Variants in LRRC3B observed in about 807,000 individuals in gnomAD.
LRRC3B encodes the protein leucine-rich repeat-containing protein 3B.
LRRC3B carries 2 observed loss-of-function variants against 12.8 expected under a neutral mutation model. That is an observed-to-expected ratio of 0.16 (90% confidence interval 0.06 to 0.49). LRRC3B has a LOEUF of 0.49. LRRC3B is among the 20% of genes least tolerant of loss of function. The pLI is 0.96. For synonymous variants in LRRC3B, 132 were observed against 122.0 expected, an observed-to-expected ratio of 1.08 and a Z score of -0.54; for missense variants, 189 against 319.4, an observed-to-expected ratio of 0.59 and a Z score of 3.11.
chr3:26,648,313 C>T (rs1407366438), intron 1 of LRRC3B, among the ~76,000 whole-genome samples: 2 of 152,056 alleles, frequency 1.3e-5, no homozygotes, highest in African/African-American at 4.8e-5. Context: ...CTAAATCAGA[C>T]AGCGATTGGC....
intron 1 of LRRC3B, among the ~76,000 whole-genome samples, chr3:26,680,527 G>C (rs1699949725): frequency 6.6e-6 from 1 of 152,144 alleles, no homozygotes; most frequent in Admixed American, 6.5e-5. Context: ...TTGTGGGTAG[G>C]GTAGCCCAGA....
At chr3:26,625,564 C>T (rs186434962) in intron 1 of LRRC3B, 3 of 152,186 alleles carry the variant, frequency 2.0e-5, no homozygotes, top group African/African-American at 4.8e-5. Flanking sequence ...TCTGACCCCC[C>T]CAAGGCTCAT....
intron 1 of LRRC3B, among the ~76,000 whole-genome samples, chr3:26,658,519 A>G (rs1182059458): frequency 6.6e-6 from 1 of 152,208 alleles, no homozygotes; most frequent in Non-Finnish European, 1.5e-5. Flanking sequence ...GGCATTTCTA[A>G]CAAGTTTTCC....
At chr3:26,637,249 A>G (rs1559350623) in intron 1 of LRRC3B, among the ~76,000 whole-genome samples, 1 of 151,988 alleles carries the variant, frequency 6.6e-6, no homozygotes, top group African/African-American at 2.4e-5. Context: ...GAGTGAGGGA[A>G]ATGGCATCAG....
chr3:26,655,191 T>C (rs1356731714), intron 1 of LRRC3B, among the ~76,000 whole-genome samples: 2 of 152,190 alleles, frequency 1.3e-5, no homozygotes, highest in East Asian at 3.9e-4. Context: ...TCTTCTTAGA[T>C]ACTCTACTGC....
chr3:26,631,082 G>T (rs1698747548), intron 1 of LRRC3B, among the ~76,000 whole-genome samples: 1 of 152,158 alleles, frequency 6.6e-6, no homozygotes, highest in South Asian at 2.1e-4. Context: ...TTGGAAAGTA[G>T]AGAAGACCTT....
At chr3:26,634,857 C>T (rs902116521) in intron 1 of LRRC3B, among the ~76,000 whole-genome samples, 2 of 152,130 alleles carry the variant, frequency 1.3e-5, no homozygotes, top group Non-Finnish European at 2.9e-5. Flanking sequence ...CAGCTTGCTT[C>T]ATTGGGCCTG....
chr3:26,673,143 G>C (rs1202036519), intron 1 of LRRC3B, among the ~76,000 whole-genome samples: 1 of 152,096 alleles, frequency 6.6e-6, no homozygotes, highest in Admixed American at 6.6e-5. Context: ...ATTGTTTTCT[G>C]CATAAATATA....
intron 1 of LRRC3B, among the ~76,000 whole-genome samples, chr3:26,698,069 G>T (rs1159834608): frequency 3.3e-5 from 5 of 152,160 alleles, no homozygotes; most frequent in Non-Finnish European, 7.4e-5. Flanking sequence ...GTGTAAGATG[G>T]TGAAGGCTCC....
intron 1 of LRRC3B, among the ~76,000 whole-genome samples, chr3:26,680,138 T>C (rs573705934): frequency 1.3e-5 from 2 of 152,238 alleles, no homozygotes. Context: ...CTCTCCCAGG[T>C]GATGCAGATG....
intron 1 of LRRC3B, among the ~76,000 whole-genome samples, chr3:26,701,772 T>G (rs1051615344): frequency 6.6e-6 from 1 of 152,094 alleles, no homozygotes; most frequent in Non-Finnish European, 1.5e-5. Context: ...ACATGATAGG[T>G]ACCTCTTGAC....
Position 26,668,652 on chromosome 3 carries a change from C to CT in LRRC3B, c.-160-40855dup, listed in dbSNP as rs371822331. On this transcript the variant is annotated intron_variant, in intron 1 of 1. Transcript: ENST00000396641. ...TGGCAGCATTGAGACCTTTTGTTAA[C>CT]TTTTTTGCTTTGCTTTTTTGTTGTT... Among the ~76,000 whole-genome samples the CT allele has an allele frequency of 4.7e-3, 715 of 152,216 alleles. 7 individuals carry two copies. Among genetic ancestry groups the CT allele is most frequent in the African/African-American group, 0.016 (684 of 41,540 alleles).
At chr3:26,682,143 G>T (rs923236165) in intron 1 of LRRC3B, among the ~76,000 whole-genome samples, 6 of 152,042 alleles carry the variant, frequency 3.9e-5, no homozygotes, top group Non-Finnish European at 8.8e-5. Flanking sequence ...GTTGACCAGG[G>T]GTAACCGAAA....
chr3:26,687,498 G>A (rs749024133), intron 1 of LRRC3B, among the ~76,000 whole-genome samples: 8 of 152,128 alleles, frequency 5.3e-5, no homozygotes, highest in African/African-American at 7.2e-5. Flanking sequence ...GCACGCTGCC[G>A]CTGAGCATAT....
At chr3:26,652,545 G>A (rs1048964424) in intron 1 of LRRC3B, among the ~76,000 whole-genome samples, 2 of 152,188 alleles carry the variant, frequency 1.3e-5, no homozygotes, top group Non-Finnish European at 2.9e-5. Context: ...CCAGTGGGGG[G>A]AAAATGTGTA....
intron 1 of LRRC3B, among the ~76,000 whole-genome samples, chr3:26,636,806 TTCCCTCCCTCCCTCCC>T (rs538189205): frequency 1.9e-4 from 15 of 78,594 alleles, no homozygotes; most frequent in Non-Finnish European, 2.5e-4. Context: ...TAGTCTTTCT[TTCCCTCCCTCCCTCCC>T]TCCCTCCCTC....
intron 1 of LRRC3B, among the ~76,000 whole-genome samples, chr3:26,703,342 C>T (rs1213277234): frequency 1.3e-5 from 2 of 152,058 alleles, no homozygotes; most frequent in East Asian, 3.9e-4. Context: ...ACAAAAACCA[C>T]CCAAATGAGA....
intron 1 of LRRC3B, among the ~76,000 whole-genome samples, chr3:26,661,501 G>T (rs73150415): frequency 0.071 from 10,861 of 152,148 alleles, 1,046 homozygotes; most frequent in African/African-American, 0.21. Context: ...ATGGGTAATT[G>T]TATATCTTCC....
chr3:26,640,192 T>G (rs2125407175), intron 1 of LRRC3B, among the ~76,000 whole-genome samples: 1 of 152,244 alleles, frequency 6.6e-6, no homozygotes, highest in South Asian at 2.1e-4. Context: ...ATTTAAGAAT[T>G]GTTACCCTAA....
Sources: gnomAD v4.1 joint callset for allele counts (sites outside exome capture counted in the v4.1 genomes callset) on GRCh38, gnomAD v4.1.1 for gene constraint, MANE v1.5 for transcripts, NCBI Gene and HGNC (gene_info 2026-07-23, HGNC 2026-07-21) for gene names.